EVC: variants seen among roughly 807,000 people sequenced by gnomAD.
EVC encodes the protein evC complex member EVC.
EVC carries 116 observed loss-of-function variants against 118.9 expected under a neutral mutation model. That is an observed-to-expected ratio of 0.98 (90% CI 0.84 to 1.14). The LOEUF is 1.14. Ranked by LOEUF, EVC falls within the 50% of genes most tolerant of loss-of-function variation. The pLI is 0.00. For synonymous variants in EVC, 619 were observed against 534.7 expected (o/e 1.16, Z -2.18); for missense variants, 1,401 against 1,246.4 (o/e 1.12, Z -1.87).
chr4:5,825,452 C>A, the EVC span: 2 of 1,529,688 alleles, frequency 1.3e-6, no homozygotes. This position sits in a 1 kb window ranked among gnomAD's most constrained non-coding sequence, Gnocchi z 4.4. Flanking sequence ...TCGGCCTGAA[C>A]TGCTGCAATT....
the EVC span, chr4:5,821,653 C>T: frequency 2.9e-6 from 3 of 1,033,718 alleles, no homozygotes; most frequent in Non-Finnish European, 4.3e-6. The surrounding 1 kb of genome is among the most constrained non-coding windows in gnomAD (Gnocchi z 4.4). Flanking sequence ...ACTTCCCCCT[C>T]CCTCCATCAG....
intron 1 of EVC, among the ~76,000 whole-genome samples, chr4:5,712,750 G>C (rs1199920114): frequency 2.0e-5 from 3 of 152,204 alleles, no homozygotes. Flanking sequence ...GATGCTCGTA[G>C]GTGAGTTGGG....
intron 19 of EVC, 105 bp downstream of exon 19, chr4:5,809,716 T>TGCCCAGAGA: frequency 9.5e-7 from 1 of 1,049,114 alleles, no homozygotes; most frequent in Non-Finnish European, 1.4e-6. Flanking sequence ...TTAGGCATCG[T>TGCCCAGAGA]GCCTAGGCTC....
At chr4:5,810,582 A>G (rs1276401528) in intron 20 of EVC, 132 bp downstream of exon 20, 3 of 745,920 alleles carry the variant, frequency 4.0e-6, no homozygotes, top group Non-Finnish European at 7.1e-6. Context: ...TCAAGAAATG[A>G]CAGATATGAA....
intron 5 of EVC, among the ~76,000 whole-genome samples, chr4:5,736,506 AT>A (rs60275784): frequency 0.12 from 16,930 of 136,130 alleles, 1,282 homozygotes; most frequent in African/African-American, 0.23. Context: ...GAGATGCTGC[AT>A]TTTTTTTTTT....
intron 12 of EVC, among the ~76,000 whole-genome samples, chr4:5,784,589 T>C (rs1170305256): frequency 6.7e-6 from 1 of 150,356 alleles, no homozygotes; most frequent in Non-Finnish European, 1.5e-5. Flanking sequence ...AATAGGAAAC[T>C]AATACAATAC....
At chr4:5,773,177 C>T (rs1734244368) in intron 11 of EVC, among the ~76,000 whole-genome samples, 1 of 152,168 alleles carries the variant, frequency 6.6e-6, no homozygotes, top group African/African-American at 2.4e-5. Flanking sequence ...ATATTTATCC[C>T]AGAGCGTTCA....
Position 5,762,012 on chromosome 4 carries a change from A to G in EVC, c.1563+5650A>G, listed in dbSNP as rs1309025414. 5.4e-5 allele frequency among the ~76,000 whole-genome samples: 8 copies of G among 148,818 alleles called. 1 individual carries two copies. Among genetic ancestry groups the G allele is most frequent in the Admixed American group, 2.0e-4 (3 of 14,968 alleles). ...GGTGCGCTGCACCCACTAACTCGTC[A>G]TCTAGCATTAGGTATATCTCCCAGT... On this transcript the variant is annotated intron_variant, in intron 11 of 20. Coordinates refer to ENST00000264956, the MANE Select transcript of EVC (RefSeq NM_153717.3).
chr4:5,748,673 CAT>C, intron 8 of EVC, among the ~76,000 whole-genome samples: 1 of 104,428 alleles, frequency 9.6e-6, no homozygotes, highest in Non-Finnish European at 1.8e-5. Flanking sequence ...TCCCTCCATC[CAT>C]CCATCCACCC....
chr4:5,736,422 C>G (rs1727692695), intron 5 of EVC, among the ~76,000 whole-genome samples: 1 of 152,128 alleles, frequency 6.6e-6, no homozygotes, highest in African/African-American at 2.4e-5. Flanking sequence ...ATCAGAACCA[C>G]CCCTGGGGGA....
intron 17 of EVC, 149 bp downstream of exon 17, chr4:5,804,990 G>T: frequency 4.2e-6 from 3 of 721,278 alleles, no homozygotes; most frequent in Non-Finnish European, 7.4e-6. Flanking sequence ...CCTCTGTCCT[G>T]GTCTCTGCCC....
At chr4:5,792,340 A>G (rs1712948043) in intron 12 of EVC, among the ~76,000 whole-genome samples, 1 of 152,250 alleles carries the variant, frequency 6.6e-6, no homozygotes, top group African/African-American at 2.4e-5. Flanking sequence ...ATATCCACCA[A>G]AAGAGAGTGC....
chr4:5,828,327 C>G, the EVC span: 3 of 985,056 alleles, frequency 3.0e-6, no homozygotes, highest in South Asian at 1.4e-4. Flanking sequence ...TGTCCTCAGA[C>G]AGGAGCCCAG....
intron 11 of EVC, among the ~76,000 whole-genome samples, chr4:5,760,495 C>G (rs975489175): frequency 6.6e-6 from 1 of 151,974 alleles, no homozygotes; most frequent in South Asian, 2.1e-4. Flanking sequence ...AAGAAGGTGT[C>G]GAGGGACACA....
At chr4:5,770,828 A>G (rs865791487) in intron 11 of EVC, among the ~76,000 whole-genome samples, 9 of 152,110 alleles carry the variant, frequency 5.9e-5, no homozygotes, top group Admixed American at 2.0e-4. Context: ...CCCGGCCAAC[A>G]TGGCAAAACC....
At chr4:5,773,861 A>G (rs1280019054) in intron 11 of EVC, among the ~76,000 whole-genome samples, 1 of 152,094 alleles carries the variant, frequency 6.6e-6, no homozygotes, top group Non-Finnish European at 1.5e-5. Flanking sequence ...CTCTGAAGTC[A>G]TTAAATGTGC....
In EVC at chr4:5,719,524, C is replaced by CGCAGACT; in HGVS notation, c.300+152_300+158dup. On this transcript the variant is annotated intron_variant, in intron 2 of 20. Transcript: ENST00000264956. This position sits in a 1 kb window ranked among gnomAD's most constrained non-coding sequence, Gnocchi z 4.7. Reference sequence around the variant, plus strand: ...GGCATAATTTACATACAGTCAAATGCGCAGACTTTAGGTTTTACAGTTTGA... The same window carrying CGCAGACT: ...GGCATAATTTACATACAGTCAAATGCGCAGACTGCAGACTTTAGGTTTTACAGTTTGA... 8.7e-7 allele frequency: 1 copy of CGCAGACT among 1,151,744 alleles called. No individual in the cohort carries two copies. The highest frequency in any genetic ancestry group is 1.3e-6 in the Non-Finnish European group (1 of 782,164). 71.3% of individuals were successfully genotyped at this position (1,151,744 alleles called of 1,614,324 possible).
chr4:5,727,575 A>C (rs2151907378), intron 2 of EVC, among the ~76,000 whole-genome samples: 1 of 152,024 alleles, frequency 6.6e-6, no homozygotes, highest in South Asian at 2.1e-4. Flanking sequence ...TCTTTAGTTT[A>C]ATGAGATCCC....
At position 5,813,853 on chromosome 4, in the gene EVC, A is replaced by C. The variant is rs1380966454; in HGVS notation, c.*2816A>C. 1 of 152,246 alleles carries C rather than the reference A, an allele frequency of 6.6e-6. No homozygotes were observed. Among genetic ancestry groups the C allele is most frequent in the Non-Finnish European group, 1.5e-5 (1 of 68,034 alleles). 9.4% of individuals were successfully genotyped at this position (152,246 alleles called of 1,614,324 possible). A position where few individuals can be genotyped will look rare whatever the true frequency, so the allele number is the denominator to read the frequency against. ...GCCGCCCAGCTGTTGTGCTGGGCAC[A>C]GTCTGGGGCACAGGCCTCCATGATG... On this transcript the variant is annotated 3_prime_UTR_variant, in exon 21 of 21. Transcript: ENST00000264956.
Sources: gnomAD v4.1 joint callset for allele counts (sites outside exome capture counted in the v4.1 genomes callset) on GRCh38, gnomAD v4.1.1 for gene constraint, Gnocchi (gnomAD v3.1) non-coding constraint, MANE v1.5 for transcripts, NCBI Gene and HGNC (gene_info 2026-07-23, HGNC 2026-07-21) for gene names.